The following NKAIN2 variants were observed in gnomAD, a reference collection of about 807,000 sequenced individuals.
NKAIN2 encodes sodium/potassium transporting ATPase interacting 2, also known as sodium/potassium-transporting ATPase subunit beta-1-interacting protein 2.
In NKAIN2, 14 loss-of-function variants were observed where a neutral mutation model predicts 32.6. The ratio of observed to expected loss-of-function variants is 0.43; its 90% CI spans 0.28 to 0.67. NKAIN2 has a LOEUF of 0.67. Among genes scored for constraint, NKAIN2 ranks in the 30% least tolerant of loss-of-function variants. NKAIN2 has a pLI of 0.17. For missense variants in NKAIN2, 198 were observed against 258.3 expected (o/e 0.77, Z 1.60); for synonymous variants, 80 against 87.2 (o/e 0.92, Z 0.46).
At chr6:124,137,790 G>A (rs1786894653) in intron 1 of NKAIN2, among the ~76,000 whole-genome samples, 1 of 152,122 alleles carries the variant, frequency 6.6e-6, no homozygotes, top group Non-Finnish European at 1.5e-5. Flanking sequence ...AACAAATGGT[G>A]CTGGGAAAAC....
intron 3 of NKAIN2, among the ~76,000 whole-genome samples, chr6:124,452,265 G>A (rs1427908015): frequency 2.6e-5 from 4 of 151,668 alleles, no homozygotes; most frequent in African/African-American, 9.7e-5. Flanking sequence ...AATAAAAGGG[G>A]TATTGTGTAC....
At chr6:124,790,249 C>G (rs1227137802) in intron 4 of NKAIN2, among the ~76,000 whole-genome samples, 1 of 152,024 alleles carries the variant, frequency 6.6e-6, no homozygotes, top group East Asian at 1.9e-4. Context: ...TTAGTGTACC[C>G]TTTGACTTAA....
intron 1 of NKAIN2, among the ~76,000 whole-genome samples, chr6:124,264,391 T>C (rs987950543): frequency 6.6e-6 from 1 of 152,180 alleles, no homozygotes; most frequent in Non-Finnish European, 1.5e-5. Context: ...CAATAAGCCA[T>C]AGTTGGCAAA....
chr6:124,360,050 G>A (rs1488080964), intron 3 of NKAIN2, among the ~76,000 whole-genome samples: 3 of 152,108 alleles, frequency 2.0e-5, no homozygotes, highest in Admixed American at 1.3e-4. Context: ...TTTGTCGTTG[G>A]TTCTGTTTAT....
intron 1 of NKAIN2, among the ~76,000 whole-genome samples, chr6:123,885,236 C>T (rs1287189629): frequency 6.6e-6 from 1 of 152,000 alleles, no homozygotes; most frequent in East Asian, 1.9e-4. Flanking sequence ...TGTGATTTCC[C>T]TTTTTAATTA....
At chr6:124,421,993 G>A (rs2114535920) in intron 3 of NKAIN2, among the ~76,000 whole-genome samples, 1 of 152,210 alleles carries the variant, frequency 6.6e-6, no homozygotes, top group Non-Finnish European at 1.5e-5. Context: ...GTCCCCTTCA[G>A]TAGGAAATTA....
intron 2 of NKAIN2, among the ~76,000 whole-genome samples, chr6:124,348,911 G>A (rs766024331): frequency 9.2e-5 from 14 of 152,120 alleles, no homozygotes; most frequent in South Asian, 8.3e-4. Context: ...GTGCTTTTCC[G>A]ACGGGCTTAA....
At chr6:124,697,864 C>T (rs1480043514) in intron 4 of NKAIN2, among the ~76,000 whole-genome samples, 1 of 152,120 alleles carries the variant, frequency 6.6e-6, no homozygotes, top group Non-Finnish European at 1.5e-5. Context: ...CACACTGGCA[C>T]CACATAGACT....
chr6:124,776,748 G>C (rs1354103680), intron 4 of NKAIN2, among the ~76,000 whole-genome samples: 1 of 151,950 alleles, frequency 6.6e-6, no homozygotes, highest in Non-Finnish European at 1.5e-5. Flanking sequence ...ATAAAAGTAT[G>C]GTTTCCACTG....
intron 3 of NKAIN2, among the ~76,000 whole-genome samples, chr6:124,402,678 A>T (rs532755241): frequency 1.4e-3 from 211 of 152,344 alleles, no homozygotes; most frequent in African/African-American, 4.8e-3. Context: ...GGAGGTCATG[A>T]TCCTAAGCAA....
At chr6:123,921,286 G>A (rs1775739083) in intron 1 of NKAIN2, among the ~76,000 whole-genome samples, 1 of 152,020 alleles carries the variant, frequency 6.6e-6, no homozygotes, top group Admixed American at 6.6e-5. Context: ...TTCCGTTGTC[G>A]AACAATTATA....
intron 3 of NKAIN2, among the ~76,000 whole-genome samples, chr6:124,481,480 GA>G (rs1006035755): frequency 3.3e-5 from 5 of 151,646 alleles, no homozygotes; most frequent in South Asian, 2.1e-4. Flanking sequence ...ATTATCAATA[GA>G]AAAAAAATGT....
At chr6:124,059,533 T>C (rs1782825975) in intron 1 of NKAIN2, among the ~76,000 whole-genome samples, 1 of 152,146 alleles carries the variant, frequency 6.6e-6, no homozygotes, top group African/African-American at 2.4e-5. Flanking sequence ...GCGTAGAACC[T>C]AAGCTCCACA....
intron 5 of NKAIN2, among the ~76,000 whole-genome samples, chr6:124,811,434 T>G (rs1374958988): frequency 6.6e-6 from 1 of 152,186 alleles, no homozygotes. Flanking sequence ...TGTTCATGAT[T>G]AAAAGGTTTA....
chr6:124,174,281 T>C (rs1582791628), intron 1 of NKAIN2, among the ~76,000 whole-genome samples: 1 of 152,156 alleles, frequency 6.6e-6, no homozygotes, highest in Non-Finnish European at 1.5e-5. Flanking sequence ...AATTCAGAAG[T>C]TGTTCATTCA....
chr6:124,493,577 G>T (rs1777947942), intron 3 of NKAIN2, among the ~76,000 whole-genome samples: 2 of 151,706 alleles, frequency 1.3e-5, no homozygotes, highest in African/African-American at 2.4e-5. Flanking sequence ...ATTGTCAGTT[G>T]AAACTATCTT....
chr6:124,638,671 G>A (rs1562298510), intron 3 of NKAIN2, among the ~76,000 whole-genome samples: 1 of 152,016 alleles, frequency 6.6e-6, no homozygotes, highest in East Asian at 1.9e-4. Context: ...CAAGGTGGGT[G>A]GATCACAAGG....
intron 3 of NKAIN2, among the ~76,000 whole-genome samples, chr6:124,382,252 A>G (rs1772678007): frequency 6.6e-6 from 1 of 151,792 alleles, no homozygotes; most frequent in South Asian, 2.1e-4. Context: ...TCCTTGATGC[A>G]CACATCCTTT....
chr6:124,688,320 AAT>A (rs1174374242), intron 4 of NKAIN2, among the ~76,000 whole-genome samples: 1 of 151,956 alleles, frequency 6.6e-6, no homozygotes, highest in Non-Finnish European at 1.5e-5. Flanking sequence ...TTTCTTATTA[AAT>A]ACATTTTTAG....
Sources: gnomAD v4.1 joint callset for allele counts (sites outside exome capture counted in the v4.1 genomes callset) on GRCh38, gnomAD v4.1.1 for gene constraint, MANE v1.5 for transcripts, NCBI Gene and HGNC (gene_info 2026-07-23, HGNC 2026-07-21) for gene names.